Variants in EHMT1 observed in about 807,000 individuals in gnomAD.
The protein encoded by EHMT1 is euchromatic histone lysine methyltransferase 1.
A neutral mutation model predicts 147.2 loss-of-function variants in EHMT1; 15 were observed. That is an observed-to-expected ratio of 0.10 (90% CI 0.07 to 0.16). The LOEUF is 0.16. EHMT1 is among the 10% of genes least tolerant of loss of function. The pLI is 1.00. For missense variants in EHMT1, 1,587 were observed against 1,772.4 expected (o/e 0.90, Z 1.88); for synonymous variants, 795 against 709.6 (o/e 1.12, Z -1.91).
chr9:137,647,144 G>A (rs891914216), intron 1 of EHMT1, among the ~76,000 whole-genome samples: 2 of 152,114 alleles, frequency 1.3e-5, no homozygotes, highest in Non-Finnish European at 2.9e-5. Context: ...TGGAGGACCC[G>A]CCTCTTAAGC....
chr9:137,681,875 G>C (rs975146711), intron 1 of EHMT1, among the ~76,000 whole-genome samples: 1 of 152,204 alleles, frequency 6.6e-6, no homozygotes, highest in African/African-American at 2.4e-5. Context: ...TGTCTGGTAC[G>C]TAAGCGTGAG....
At position 137,813,978 on chromosome 9, in the gene EHMT1, T is replaced by TC; in HGVS notation, c.3180+448_3180+449insC. 6.6e-6 allele frequency among the ~76,000 whole-genome samples: 1 copy of TC among 150,912 alleles called. No homozygotes were observed. The highest frequency in any genetic ancestry group is 2.0e-4 in the East Asian group (1 of 5,102). On this transcript the variant is annotated intron_variant, in intron 21 of 26. Transcript: ENST00000460843. This position sits in a 1 kb window ranked among gnomAD's most constrained non-coding sequence, Gnocchi z 4.9. ...GCATGCAGCCTGGTGCCCTCACTGC[T>TC]TGCGCCTTCTCGAGCACTTTCCTTG...
chr9:137,749,379 C>T (rs1285451901), intron 6 of EHMT1, among the ~76,000 whole-genome samples: 2 of 152,154 alleles, frequency 1.3e-5, no homozygotes, highest in African/African-American at 2.4e-5. Context: ...TCAAGTGATC[C>T]TCCCACCTCA....
At chr9:137,792,405 A>G (rs911526580) in intron 16 of EHMT1, 8 of 190,512 alleles carry the variant, frequency 4.2e-5, no homozygotes, top group Non-Finnish European at 8.9e-5. Flanking sequence ...ACTGTATTCA[A>G]AAATTAATGG....
intron 3 of EHMT1, among the ~76,000 whole-genome samples, chr9:137,723,763 A>T (rs1401556242): frequency 6.6e-6 from 1 of 152,244 alleles, no homozygotes; most frequent in African/African-American, 2.4e-5. Flanking sequence ...AAGTCATTCC[A>T]GTGATAAAAC....
chr9:137,787,953 T>C lies in EHMT1; in HGVS notation c.2383-2895T>C, dbSNP rs899806605. On this transcript the variant is annotated intron_variant, in intron 15 of 26. Coordinates refer to ENST00000460843, the MANE Select transcript of EHMT1 (RefSeq NM_024757.5). The surrounding 1 kb of genome is among the most constrained non-coding windows in gnomAD (Gnocchi z 4.2). ...CAGCTGCCCCCAGAGGGAGGCCCTGTGTCCCCCACTGGACAGCCCCCCAGG... is the reference window on the plus strand; with the variant it reads ...CAGCTGCCCCCAGAGGGAGGCCCTGCGTCCCCCACTGGACAGCCCCCCAGG... 3 of 1,499,922 alleles carry C rather than the reference T, an allele frequency of 2.0e-6. No homozygotes were observed. Among genetic ancestry groups the C allele is most frequent in the Admixed American group, 1.7e-5 (1 of 59,268 alleles). The allele number at this position is 1,499,922 out of a possible 1,614,324, so 92.9% of individuals were successfully genotyped here.
At chr9:137,713,809 A>T (rs1944959578) in intron 2 of EHMT1, among the ~76,000 whole-genome samples, 1 of 151,632 alleles carries the variant, frequency 6.6e-6, no homozygotes, top group South Asian at 2.1e-4. Flanking sequence ...AATTAGCGGG[A>T]TGTGGTGGCT....
chr9:137,815,150 G>T (rs1208813923), intron 22 of EHMT1, among the ~76,000 whole-genome samples: 2 of 152,142 alleles, frequency 1.3e-5, no homozygotes, highest in Non-Finnish European at 2.9e-5. Flanking sequence ...GCAGGGAGAG[G>T]CAACAGGCGT....
At chr9:137,778,258 C>T (rs894339023) in intron 13 of EHMT1, among the ~76,000 whole-genome samples, 1 of 152,202 alleles carries the variant, frequency 6.6e-6, no homozygotes, top group African/African-American at 2.4e-5. Flanking sequence ...ACCTCTGACA[C>T]CTTTGAAGTC....
intron 16 of EHMT1, among the ~76,000 whole-genome samples, chr9:137,794,475 C>A (rs1952752084): frequency 6.6e-6 from 1 of 151,778 alleles, no homozygotes; most frequent in African/African-American, 2.4e-5. Flanking sequence ...TAGTGAGACC[C>A]CATCTCTATA....
intron 1 of EHMT1, among the ~76,000 whole-genome samples, chr9:137,650,201 T>G (rs190383013): frequency 1.0e-3 from 157 of 152,252 alleles, no homozygotes; most frequent in African/African-American, 3.6e-3. Context: ...CAGGCTCAAG[T>G]GATCCTCCCG....
intron 10 of EHMT1, among the ~76,000 whole-genome samples, chr9:137,770,706 A>C (rs1005758882): frequency 6.6e-6 from 1 of 152,176 alleles, no homozygotes; most frequent in Non-Finnish European, 1.5e-5. Flanking sequence ...AGAAGGATCC[A>C]TGTAGGCCTC....
At chr9:137,723,116 T>G (rs1259965820) in intron 3 of EHMT1, among the ~76,000 whole-genome samples, 2 of 137,852 alleles carry the variant, frequency 1.5e-5, no homozygotes, top group African/African-American at 5.4e-5. Flanking sequence ...GGTGTGTCTG[T>G]GTCCGTGGTT....
chr9:137,620,407 A>G (rs1332537203), intron 1 of EHMT1, among the ~76,000 whole-genome samples: 1 of 151,832 alleles, frequency 6.6e-6, no homozygotes, highest in Non-Finnish European at 1.5e-5. Flanking sequence ...TCCTTTTTTA[A>G]ATTATTATTT....
chr9:137,793,558 T>C (rs1952685017), intron 16 of EHMT1, among the ~76,000 whole-genome samples: 1 of 152,240 alleles, frequency 6.6e-6, no homozygotes, highest in Admixed American at 6.5e-5. Flanking sequence ...GCCACAGGCA[T>C]GCAAACCAGG....
chr9:137,646,465 G>A lies in EHMT1; in HGVS notation c.21+27416G>A, dbSNP rs546017945. 2.0e-5 allele frequency: 20 copies of A among 980,850 alleles called. No homozygotes were observed. The East Asian group carries it at 1.6e-3, about 78-fold the overall frequency. The allele number at this position is 980,850 out of a possible 1,614,324, so 60.8% of individuals were successfully genotyped here. Reference sequence around the variant, plus strand: ...TAAGAGGGCTGAATGGGAGCCCCGAGGAGTGCTCCCGTTTTGTGGGAGAGA... The same window carrying A: ...TAAGAGGGCTGAATGGGAGCCCCGAAGAGTGCTCCCGTTTTGTGGGAGAGA... On this transcript the variant is annotated intron_variant, in intron 1 of 26. Transcript: ENST00000460843.
chr9:137,681,469 C>G (rs1248887352), intron 1 of EHMT1, among the ~76,000 whole-genome samples: 2 of 152,166 alleles, frequency 1.3e-5, no homozygotes, highest in Non-Finnish European at 2.9e-5. Context: ...AAAAACAGTA[C>G]AAAACTGCTT....
intron 9 of EHMT1, among the ~76,000 whole-genome samples, chr9:137,762,144 T>C (rs1252270398): frequency 6.6e-6 from 1 of 152,268 alleles, no homozygotes; most frequent in Non-Finnish European, 1.5e-5. Context: ...AGTTTATCTT[T>C]CCTTGTTTTT....
chr9:137,711,156 G>T (rs1039982407), intron 2 of EHMT1, 126 bp downstream of exon 2: 7 of 947,146 alleles, frequency 7.4e-6, no homozygotes, highest in Non-Finnish European at 9.2e-6. Flanking sequence ...TTATGGTATA[G>T]TTTCTAATCT....
Sources: allele counts gnomAD v4.1 joint callset (sites outside exome capture counted in the v4.1 genomes callset), GRCh38; gene constraint gnomAD v4.1.1; non-coding constraint Gnocchi (gnomAD v3.1); transcripts MANE v1.5; gene names NCBI Gene and HGNC (gene_info 2026-07-23, HGNC 2026-07-21).